The following UPP2 variants were observed in gnomAD, a reference collection of about 807,000 sequenced individuals.
UPP2 encodes UPase 2.
Under a neutral mutation model 26.7 loss-of-function variants are expected in UPP2, and 23 were observed. The observed-to-expected ratio is 0.86, with a 90% confidence interval of 0.62 to 1.22. The LOEUF is 1.22. Among genes scored for constraint, UPP2 ranks in the 50% most tolerant of loss-of-function variants. The pLI is 0.00. For missense variants in UPP2, 387 were observed against 396.7 expected (o/e 0.98, Z 0.21); for synonymous variants, 127 against 141.3 (o/e 0.90, Z 0.72).
chr2:158,098,508 C>T (rs201993803), upstream of UPP2, among the ~76,000 whole-genome samples: 4 of 152,138 alleles, frequency 2.6e-5, no homozygotes, highest in East Asian at 5.8e-4. Flanking sequence ...ATAGACTACA[C>T]CTAAGTAGCC....
chr2:158,038,354 G>C (rs987650753), intron 3 of UPP2, among the ~76,000 whole-genome samples: 1 of 152,186 alleles, frequency 6.6e-6, no homozygotes, highest in Non-Finnish European at 1.5e-5. Context: ...TAGAATAAAT[G>C]GATACTAAAA....
intron 2 of UPP2, among the ~76,000 whole-genome samples, chr2:158,006,165 G>T (rs369566201): frequency 6.6e-6 from 1 of 152,192 alleles, no homozygotes; most frequent in Non-Finnish European, 1.5e-5. Flanking sequence ...ATGTGGTTAA[G>T]AATGTCCATA....
chr2:158,103,255 C>T (rs1047458538), intron 1 of UPP2, among the ~76,000 whole-genome samples: 2 of 152,026 alleles, frequency 1.3e-5, no homozygotes, highest in African/African-American at 4.8e-5. Context: ...AATTTTCTGA[C>T]GGAGAAATCA....
Position 158,050,724 on chromosome 2 carries a change from GT to G in UPP2, c.147+34843del, listed in dbSNP as rs909493199. Reference sequence around the variant, plus strand: ...TATTCCAGGAATTTTTTAAAAATGAGTTTTTATTTGCTGCTGTCAAATGTGA... The same window carrying G: ...TATTCCAGGAATTTTTTAAAAATGAGTTTTATTTGCTGCTGTCAAATGTGA... On this transcript the variant is annotated intron_variant, in intron 3 of 9. Coordinates refer to the UPP2 transcript ENST00000605860. 2.6e-5 allele frequency among the ~76,000 whole-genome samples: 4 copies of G among 152,128 alleles called. No homozygotes were observed. In the South Asian group the frequency reaches 6.2e-4, roughly 24 times the overall value.
At chr2:158,126,628 A>C (rs1468863378) in intron 6 of UPP2, 2 of 152,176 alleles carry the variant, frequency 1.3e-5, no homozygotes, top group African/African-American at 4.8e-5. Flanking sequence ...CGTAACACTG[A>C]AGCTTGGAAG....
intron 2 of UPP2, among the ~76,000 whole-genome samples, chr2:157,999,007 G>A (rs1181007154): frequency 1.3e-5 from 2 of 151,936 alleles, no homozygotes; most frequent in Non-Finnish European, 2.9e-5. Context: ...AAATTCTGTT[G>A]ATCTTTTTCA....
At chr2:158,110,021 ATACTTT>A (rs1683279400) in intron 2 of UPP2, among the ~76,000 whole-genome samples, 1 of 152,214 alleles carries the variant, frequency 6.6e-6, no homozygotes, top group Non-Finnish European at 1.5e-5. Context: ...ATTTTTTATT[ATACTTT>A]AAGTTCTAGG....
chr2:158,099,889 T>A (rs1212080731), upstream of UPP2, among the ~76,000 whole-genome samples: 4 of 152,192 alleles, frequency 2.6e-5, no homozygotes, highest in Non-Finnish European at 5.9e-5. Context: ...ACCCTCCTGA[T>A]CACAAGGCTG....
At chr2:158,129,617 C>A (rs1683767299) in intron 6 of UPP2, among the ~76,000 whole-genome samples, 1 of 151,088 alleles carries the variant, frequency 6.6e-6, no homozygotes, top group South Asian at 2.1e-4. Flanking sequence ...ATATATTCAT[C>A]TATCGAAAGA....
chr2:158,015,814 C>G (rs1057285760), exon 3 of UPP2: 1 of 453,652 alleles, frequency 2.2e-6, no homozygotes, highest in Admixed American at 2.4e-5. Context: ...TGCCTGCTTC[C>G]CCTTCAACTT....
intron 3 of UPP2, among the ~76,000 whole-genome samples, chr2:158,117,532 C>G (rs943879748): frequency 9.2e-5 from 14 of 151,954 alleles, no homozygotes; most frequent in Non-Finnish European, 5.9e-5. Flanking sequence ...TGGCACCGCC[C>G]TGACACACCT....
chr2:158,112,638 T>A lies in UPP2; in HGVS notation c.181-2463T>A, dbSNP rs556644523. On this transcript the variant is annotated intron_variant, in intron 2 of 6. Coordinates refer to ENST00000005756, the MANE Select transcript of UPP2 (RefSeq NM_173355.4). ...AAAAAAGGAAGTTATCTATTCAAAA[T>A]CAACATCTAAATATGTCTTTTATAA... 9.9e-5 allele frequency among the ~76,000 whole-genome samples: 15 copies of A among 152,236 alleles called. No homozygotes were observed. In the South Asian group the frequency reaches 3.1e-3, roughly 32 times the overall value.
At chr2:158,084,843 A>T (rs1682787968) in intron 3 of UPP2, among the ~76,000 whole-genome samples, 1 of 152,092 alleles carries the variant, frequency 6.6e-6, no homozygotes, top group Admixed American at 6.6e-5. Context: ...ATTCTATTCC[A>T]TTGGTCTGTA....
At chr2:158,080,948 T>A (rs879379195) in intron 3 of UPP2, among the ~76,000 whole-genome samples, 4 of 152,190 alleles carry the variant, frequency 2.6e-5, no homozygotes, top group Non-Finnish European at 4.4e-5. Flanking sequence ...TTTAAAAGTA[T>A]TCATTTAAAG....
At chr2:158,115,946 C>T (rs1416153166) in intron 3 of UPP2, among the ~76,000 whole-genome samples, 1 of 152,194 alleles carries the variant, frequency 6.6e-6, no homozygotes, top group African/African-American at 2.4e-5. Flanking sequence ...TTTCTGGGCA[C>T]TGCAACCCTC....
intron 1 of UPP2, among the ~76,000 whole-genome samples, chr2:158,105,729 A>T (rs1174970044): frequency 6.6e-6 from 1 of 152,236 alleles, no homozygotes; most frequent in Non-Finnish European, 1.5e-5. Context: ...AAATTAGATG[A>T]CCGTTACAGT....
intron 3 of UPP2, among the ~76,000 whole-genome samples, chr2:158,051,024 G>A (rs913350255): frequency 3.3e-5 from 5 of 151,604 alleles, no homozygotes; most frequent in Admixed American, 6.6e-5. Context: ...AACATCTCAG[G>A]TACCCCAGAA....
chr2:158,027,891 A>G (rs953393059), intron 3 of UPP2, among the ~76,000 whole-genome samples: 1 of 152,202 alleles, frequency 6.6e-6, no homozygotes, highest in African/African-American at 2.4e-5. Context: ...CTCTAAAGTC[A>G]TGGCCTGAGC....
chr2:158,069,930 G>A (rs993855258), intron 3 of UPP2, among the ~76,000 whole-genome samples: 19 of 152,040 alleles, frequency 1.2e-4, no homozygotes, highest in African/African-American at 3.9e-4. Flanking sequence ...TCCTCACATG[G>A]AGAACTCTCT....
Sources: gnomAD v4.1 joint callset for allele counts (sites outside exome capture counted in the v4.1 genomes callset) on GRCh38, gnomAD v4.1.1 for gene constraint, MANE v1.5 for transcripts, NCBI Gene and HGNC (gene_info 2026-07-23, HGNC 2026-07-21) for gene names.